RPF1: variants seen among roughly 807,000 people sequenced by gnomAD.
RPF1 encodes the protein ribosome production factor 1.
Under a neutral mutation model 41.9 loss-of-function variants are expected in RPF1, and 34 were observed. That is an observed-to-expected ratio of 0.81 (90% CI 0.62 to 1.08). RPF1 has a LOEUF of 1.08. Among genes scored for constraint, RPF1 ranks in the 50% least tolerant of loss-of-function variants. The pLI is 0.00. For missense variants in RPF1, 425 were observed against 435.2 expected, an observed-to-expected ratio of 0.98 and a Z score of 0.21; for synonymous variants, 140 against 148.9, an observed-to-expected ratio of 0.94 and a Z score of 0.43.
At chr1:84,480,277 G>A (rs1316188039) in intron 1 of RPF1, among the ~76,000 whole-genome samples, 2 of 152,146 alleles carry the variant, frequency 1.3e-5, no homozygotes, top group South Asian at 2.1e-4. Flanking sequence ...ATTGGGGAGG[G>A]ATGTCCTGGA....
intron 4 of RPF1, 107 bp from the exon 5 acceptor site, chr1:84,490,208 GCTTT>G (rs1343110704): frequency 7.3e-6 from 5 of 685,746 alleles, no homozygotes; most frequent in African/African-American, 1.9e-5. Context: ...CCTCAATGTT[GCTTT>G]CTATTAATCA....
At chr1:84,494,967 G>A (rs1245011294) in intron 5 of RPF1, among the ~76,000 whole-genome samples, 1 of 152,048 alleles carries the variant, frequency 6.6e-6, no homozygotes, top group South Asian at 2.1e-4. Context: ...GACATTTTGG[G>A]GTTATACATC....
At chr1:84,480,824 T>A (rs963780537) in intron 1 of RPF1, 132 bp from the exon 2 acceptor site, 4 of 525,716 alleles carry the variant, frequency 7.6e-6, no homozygotes, top group Non-Finnish European at 1.4e-5. Flanking sequence ...CACGTCCAGA[T>A]GCTTATTTCA....
chr1:84,487,027 GT>G (rs1681750575), intron 3 of RPF1, among the ~76,000 whole-genome samples: 1 of 152,072 alleles, frequency 6.6e-6, no homozygotes, highest in Non-Finnish European at 1.5e-5. Flanking sequence ...TGACTCAAGA[GT>G]TTTTAGAAGA....
At chr1:84,495,493 T>G (rs764890739) in intron 6 of RPF1, 38 bp downstream of exon 6, 1 of 851,750 alleles carries the variant, frequency 1.2e-6, no homozygotes, top group East Asian at 2.5e-5. Context: ...CATTGATCTC[T>G]TCACAATATT....
chr1:84,492,151 ACT>A (rs1681844725), intron 5 of RPF1, among the ~76,000 whole-genome samples: 1 of 122,308 alleles, frequency 8.2e-6, no homozygotes, highest in African/African-American at 4.1e-5. Flanking sequence ...ACAGGGCAAG[ACT>A]CTGTCAAAAA....
In RPF1 at chr1:84,497,964, C is replaced by T. The variant is rs1681973935; in HGVS notation, c.*494C>T. On this transcript the variant is annotated 3_prime_UTR_variant, in exon 9 of 9. Transcript: ENST00000370654. ...TCTACCAGGGTTTAAAGCAAAGTTG[C>T]AAATTACTGAAGCTAATCTTTGCTT... Among the ~76,000 whole-genome samples, 1 of 152,160 alleles carries T rather than the reference C, an allele frequency of 6.6e-6. No homozygotes were observed. The highest frequency in any genetic ancestry group is 2.1e-4 in the South Asian group (1 of 4,834).
Position 84,495,421 on chromosome 1 carries a change from A to T in RPF1, c.665A>T (p.Lys222Ile), listed in dbSNP as rs757033035. The T allele has an allele frequency of 2.8e-5, 42 of 1,520,008 alleles. No homozygotes were observed. The highest frequency in any genetic ancestry group is 3.7e-5 in the Non-Finnish European group (41 of 1,109,376). The allele number at this position is 1,520,008 out of a possible 1,614,324, so 94.2% of individuals were successfully genotyped here. ...HLPNGPTAHF[K>I]MSSVRLRKEI... The stretch of plus-strand genomic sequence containing the variant: ...CCAAATGGCCCAACTGCTCATTTTA[A>T]AATGAGCAGTGTTCGTCTTCGTAAA... Residue 222 changes from lysine to isoleucine, a missense_variant, in exon 6 of 9, where the codon AAA (lysine) becomes ATA (isoleucine). Transcript: ENST00000370654.
At chr1:84,490,250 A>G in intron 4 of RPF1, 69 bp from the exon 5 acceptor site, 1 of 1,013,598 alleles carries the variant, frequency 9.9e-7, no homozygotes. Context: ...TTCCTTATGA[A>G]TATGTACCAC....
At chr1:84,487,432 C>T (rs191485565) in intron 3 of RPF1, among the ~76,000 whole-genome samples, 72 of 152,230 alleles carry the variant, frequency 4.7e-4, no homozygotes, top group Non-Finnish European at 8.5e-4. Flanking sequence ...CAGTTCATGT[C>T]TTTTGCCCAG....
intron 4 of RPF1, 87 bp from the exon 5 acceptor site, chr1:84,490,228 ATTAT>A (rs1681807632): frequency 1.2e-6 from 1 of 807,384 alleles, no homozygotes; most frequent in Non-Finnish European, 1.8e-6. Context: ...AATCATAATA[ATTAT>A]TATTTCTTTC....
At chr1:84,479,656 C>T (rs17374048) in intron 1 of RPF1, 147 bp downstream of exon 1, 46,901 of 713,800 alleles carry the variant, frequency 0.066, 1,868 homozygotes, top group Non-Finnish European at 0.078. Flanking sequence ...CCCACGTGTT[C>T]TGGTCCCCTC....
At chr1:84,495,018 T>TA (rs1166658156) in intron 5 of RPF1, among the ~76,000 whole-genome samples, 1 of 152,204 alleles carries the variant, frequency 6.6e-6, no homozygotes, top group Non-Finnish European at 1.5e-5. Context: ...TTTGCAGTGT[T>TA]ACATGATTAT....
chr1:84,496,157 C>A, intron 7 of RPF1, 87 bp from the exon 8 acceptor site: 1 of 1,457,350 alleles, frequency 6.9e-7, no homozygotes, highest in Non-Finnish European at 9.4e-7. Context: ...AAGTATCATA[C>A]AAGATAAAAT....
intron 8 of RPF1, 78 bp downstream of exon 8, chr1:84,496,448 G>A (rs112102724): frequency 3.9e-6 from 5 of 1,279,236 alleles, no homozygotes; most frequent in Non-Finnish European, 5.4e-6. Context: ...AGAGCATCAG[G>A]AATAGCTAAT....
chr1:84,492,571 A>G (rs1681853923), intron 5 of RPF1, among the ~76,000 whole-genome samples: 1 of 152,188 alleles, frequency 6.6e-6, no homozygotes, highest in Non-Finnish European at 1.5e-5. Context: ...TAGAGTTCCC[A>G]CAAAGATCAC....
chr1:84,495,792 T>C, intron 6 of RPF1, 90 bp from the exon 7 acceptor site: 1 of 831,600 alleles, frequency 1.2e-6, no homozygotes, highest in Non-Finnish European at 1.9e-6. Flanking sequence ...TGCAAATTTG[T>C]CATGTAAATT....
chr1:84,490,251 T>G, intron 4 of RPF1, 68 bp from the exon 5 acceptor site: 1 of 1,022,120 alleles, frequency 9.8e-7, no homozygotes, highest in Non-Finnish European at 1.4e-6. Flanking sequence ...TCCTTATGAA[T>G]ATGTACCACA....
intron 7 of RPF1, 60 bp from the exon 8 acceptor site, chr1:84,496,184 C>A: frequency 6.6e-7 from 1 of 1,520,346 alleles, no homozygotes; most frequent in Non-Finnish European, 9.0e-7. Flanking sequence ...TCTTTTGAAC[C>A]CTGTCATAAT....
Sources: gnomAD v4.1 joint callset for allele counts (sites outside exome capture counted in the v4.1 genomes callset) on GRCh38, gnomAD v4.1.1 for gene constraint, MANE v1.5 for transcripts, NCBI Gene and HGNC (gene_info 2026-07-23, HGNC 2026-07-21) for gene names.